Variants in ADGRB3 observed in about 807,000 individuals in gnomAD.
The protein encoded by ADGRB3 is brain-specific angiogenesis inhibitor 3.
In ADGRB3, 37 loss-of-function variants were observed where a neutral mutation model predicts 193.4. The observed-to-expected ratio is 0.19, with a 90% CI of 0.15 to 0.25. ADGRB3 has a LOEUF of 0.25. Ranked by LOEUF, ADGRB3 falls within the 10% of genes least tolerant of loss-of-function variation. The pLI is 1.00. For synonymous variants in ADGRB3, 690 were observed against 644.2 expected, an observed-to-expected ratio of 1.07 and a Z score of -1.08; for missense variants, 1,637 against 1,852.9, an observed-to-expected ratio of 0.88 and a Z score of 2.14.
At chr6:68,999,476 G>A (rs528126111) in intron 11 of ADGRB3, among the ~76,000 whole-genome samples, 44 of 152,214 alleles carry the variant, frequency 2.9e-4, no homozygotes, top group Non-Finnish European at 5.0e-4. Context: ...GTGTTAGCCA[G>A]GATGGTCTCC....
chr6:69,084,345 A>T (rs577563759), intron 17 of ADGRB3, among the ~76,000 whole-genome samples: 1 of 152,308 alleles, frequency 6.6e-6, no homozygotes, highest in Admixed American at 6.5e-5. Flanking sequence ...AAAACCAAGG[A>T]GCCATGTGTG....
At chr6:69,172,475 C>T (rs1475344673) in intron 17 of ADGRB3, among the ~76,000 whole-genome samples, 4 of 151,160 alleles carry the variant, frequency 2.6e-5, no homozygotes, top group Admixed American at 1.3e-4. Context: ...AACCCCGTCT[C>T]TACTAAAAAT....
chr6:68,869,293 G>T (rs1423100219), intron 3 of ADGRB3, among the ~76,000 whole-genome samples: 1 of 151,972 alleles, frequency 6.6e-6, no homozygotes, highest in African/African-American at 2.4e-5. Flanking sequence ...ACTTTTTAAT[G>T]TATTTACAAT....
chr6:69,383,479 C>T (rs1441901664), intron 31 of ADGRB3, among the ~76,000 whole-genome samples: 1 of 151,928 alleles, frequency 6.6e-6, no homozygotes, highest in Non-Finnish European at 1.5e-5. Context: ...TAGTACAGGA[C>T]TTCATCAAAT....
intron 20 of ADGRB3, among the ~76,000 whole-genome samples, chr6:69,279,071 G>GTGTATA (rs1223848774): frequency 1.5e-4 from 11 of 71,390 alleles, no homozygotes; most frequent in Non-Finnish European, 2.2e-4. Context: ...AAATACATAT[G>GTGTATA]TATATATATA....
intron 17 of ADGRB3, among the ~76,000 whole-genome samples, chr6:69,108,048 GA>G (rs113477087): frequency 0.16 from 20,643 of 131,858 alleles, 1,483 homozygotes; most frequent in Middle Eastern, 0.33. Flanking sequence ...AATAAAAATT[GA>G]AAAAAAAAAA....
intron 17 of ADGRB3, among the ~76,000 whole-genome samples, chr6:69,170,465 G>C (rs1263960891): frequency 6.6e-6 from 1 of 152,072 alleles, no homozygotes; most frequent in Non-Finnish European, 1.5e-5. Flanking sequence ...AGGCCTATCT[G>C]TCCCTTTTTG....
chr6:69,169,836 GT>G (rs1421644300), intron 17 of ADGRB3, among the ~76,000 whole-genome samples: 3 of 152,056 alleles, frequency 2.0e-5, no homozygotes, highest in African/African-American at 7.2e-5. Flanking sequence ...ATAGAGGATA[GT>G]TTATAGCTTG....
chr6:68,978,720 A>G (rs1768821531), intron 10 of ADGRB3, among the ~76,000 whole-genome samples: 1 of 151,506 alleles, frequency 6.6e-6, no homozygotes, highest in Admixed American at 6.6e-5. Context: ...GACTTCCTCA[A>G]ATTCTTAAAT....
intron 20 of ADGRB3, among the ~76,000 whole-genome samples, chr6:69,242,881 C>T (rs1663015753): frequency 6.6e-6 from 1 of 151,910 alleles, no homozygotes; most frequent in Non-Finnish European, 1.5e-5. Flanking sequence ...ATTTCCTTTA[C>T]ACCTTTAAGT....
At chr6:69,344,089 C>G (rs1769035044) in intron 26 of ADGRB3, among the ~76,000 whole-genome samples, 1 of 152,044 alleles carries the variant, frequency 6.6e-6, no homozygotes, top group Non-Finnish European at 1.5e-5. Context: ...TCTTACAGCT[C>G]TATGTCAGAG....
Position 69,095,220 on chromosome 6 carries a change from T to C in ADGRB3, c.2480+19182T>C, listed in dbSNP as rs78664245. 8.0e-4 allele frequency among the ~76,000 whole-genome samples: 122 copies of C among 152,338 alleles called. 3 individuals carry two copies. In the East Asian group the frequency reaches 0.021, roughly 26 times the overall value. On this transcript the variant is annotated intron_variant, in intron 17 of 31. Coordinates refer to ENST00000370598, the MANE Select transcript of ADGRB3 (RefSeq NM_001704.3). ...AAAGCTGGATTAAATGGTAGGAATA[T>C]GTAGAAAAGCAGCAGATTTACTGAA...
At chr6:68,977,123 G>A (rs1483979642) in intron 10 of ADGRB3, among the ~76,000 whole-genome samples, 1 of 148,650 alleles carries the variant, frequency 6.7e-6, no homozygotes, top group Non-Finnish European at 1.5e-5. Flanking sequence ...GTCTTTTTTT[G>A]TTTCTATTTA....
chr6:69,116,526 T>A lies in ADGRB3; in HGVS notation c.2480+40488T>A, dbSNP rs543770569. 1.1e-3 allele frequency among the ~76,000 whole-genome samples: 164 copies of A among 152,268 alleles called. 1 individual carries two copies. Among genetic ancestry groups the A allele is most frequent in the African/African-American group, 3.6e-3 (150 of 41,562 alleles). Reference sequence around the variant, plus strand: ...GGATTTAAAGTTGTGTGAAATAAAATTTTCTTTGATAATATACATGTAAGC... The same window carrying A: ...GGATTTAAAGTTGTGTGAAATAAAAATTTCTTTGATAATATACATGTAAGC... On this transcript the variant is annotated intron_variant, in intron 17 of 31. Coordinates refer to ENST00000370598, the MANE Select transcript of ADGRB3 (RefSeq NM_001704.3).
At chr6:69,232,271 T>A (rs1582563884) in intron 17 of ADGRB3, 1 of 306,000 alleles carries the variant, frequency 3.3e-6, no homozygotes, top group Non-Finnish European at 4.7e-6. Flanking sequence ...TCTATAGCAT[T>A]TTTTTTTTTT....
intron 20 of ADGRB3, among the ~76,000 whole-genome samples, chr6:69,254,477 A>G (rs1241038307): frequency 6.6e-6 from 1 of 152,100 alleles, no homozygotes; most frequent in Non-Finnish European, 1.5e-5. Flanking sequence ...TTTTTCATTT[A>G]TCCCTGTGAG....
chr6:69,297,466 A>G (rs1767854669), intron 20 of ADGRB3, among the ~76,000 whole-genome samples: 2 of 150,726 alleles, frequency 1.3e-5, no homozygotes. Flanking sequence ...TACTAAAAGT[A>G]TCACATTTCT....
At chr6:68,899,682 A>G (rs1010921192) in intron 3 of ADGRB3, among the ~76,000 whole-genome samples, 4 of 152,102 alleles carry the variant, frequency 2.6e-5, no homozygotes, top group African/African-American at 7.2e-5. Flanking sequence ...TTCTTAATTC[A>G]GTCTAGCCAT....
At chr6:68,848,430 G>A (rs1768328692) in intron 3 of ADGRB3, among the ~76,000 whole-genome samples, 1 of 151,970 alleles carries the variant, frequency 6.6e-6, no homozygotes, top group South Asian at 2.1e-4. Context: ...CTCAAATTTT[G>A]AGTGTTTTCA....
Sources: gnomAD v4.1 joint callset for allele counts (sites outside exome capture counted in the v4.1 genomes callset) on GRCh38, gnomAD v4.1.1 for gene constraint, MANE v1.5 for transcripts, NCBI Gene and HGNC (gene_info 2026-07-23, HGNC 2026-07-21) for gene names.